The following HERC4 variants were observed in gnomAD, a reference collection of about 807,000 sequenced individuals.
The protein encoded by HERC4 is HECT and RLD domain containing E3 ubiquitin protein ligase 4.
A neutral mutation model predicts 124.3 loss-of-function variants in HERC4; 28 were observed. The observed-to-expected ratio is 0.23, with a 90% CI of 0.17 to 0.31. The LOEUF is 0.31. Ranked by LOEUF, HERC4 falls within the 10% of genes least tolerant of loss-of-function variation. The pLI, the probability that HERC4 is intolerant of heterozygous loss-of-function variation, is 1.00. For missense variants in HERC4, 713 were observed against 1,229.3 expected (o/e 0.58, Z 6.28); for synonymous variants, 407 against 421.5 (o/e 0.97, Z 0.42).
chr10:67,936,364 T>C, intron 21 of HERC4, 129 bp from the exon 22 acceptor site: 1 of 479,196 alleles, frequency 2.1e-6, no homozygotes, highest in East Asian at 3.5e-5. Context: ...TCTGCTACCA[T>C]ATAGCTTATC....
At chr10:68,059,490 A>ATAATATTATATAT (rs2040742012) in intron 3 of HERC4, among the ~76,000 whole-genome samples, 1 of 125,824 alleles carries the variant, frequency 7.9e-6, no homozygotes, top group African/African-American at 3.1e-5. Context: ...ATTATATATT[A>ATAATATTATATAT]TAACATTATA....
At chr10:68,071,805 T>C (rs1383939904) in intron 3 of HERC4, among the ~76,000 whole-genome samples, 1 of 152,056 alleles carries the variant, frequency 6.6e-6, no homozygotes, top group Admixed American at 6.6e-5. Flanking sequence ...CAATAAAAAA[T>C]AAATTACAAA....
chr10:67,973,697 G>A (rs1037620491), intron 15 of HERC4, among the ~76,000 whole-genome samples: 1 of 152,140 alleles, frequency 6.6e-6, no homozygotes, highest in East Asian at 1.9e-4. Context: ...AACGGATATG[G>A]AAAACGAGAA....
At chr10:67,928,241 T>C (rs992054412) in intron 23 of HERC4, among the ~76,000 whole-genome samples, 2 of 151,946 alleles carry the variant, frequency 1.3e-5, no homozygotes, top group African/African-American at 4.8e-5. Context: ...ATCTAAAGGG[T>C]GATGAGAAGC....
intron 7 of HERC4, among the ~76,000 whole-genome samples, chr10:68,031,905 C>A (rs535991595): frequency 2.6e-4 from 40 of 152,190 alleles, no homozygotes; most frequent in Admixed American, 6.5e-4. Context: ...GTGCCTGCCG[C>A]CATGCCCAGC....
At chr10:67,949,156 C>G (rs1024454899) in intron 19 of HERC4, among the ~76,000 whole-genome samples, 4 of 151,754 alleles carry the variant, frequency 2.6e-5, no homozygotes, top group African/African-American at 9.7e-5. Flanking sequence ...TGGTGGCATG[C>G]ACCTGTAGTC....
At chr10:68,042,019 T>C (rs1041241430) in intron 4 of HERC4, among the ~76,000 whole-genome samples, 1 of 151,264 alleles carries the variant, frequency 6.6e-6, no homozygotes, top group African/African-American at 2.4e-5. Context: ...CTGATTACTC[T>C]TTTTTTTTAT....
At chr10:67,951,943 G>A (rs973982240) in intron 19 of HERC4, among the ~76,000 whole-genome samples, 2 of 151,990 alleles carry the variant, frequency 1.3e-5, no homozygotes, top group African/African-American at 4.8e-5. Flanking sequence ...CAACACACTA[G>A]CCTCTCAGTT....
At chr10:68,070,271 T>C (rs2041505262) in intron 3 of HERC4, 2 of 967,278 alleles carry the variant, frequency 2.1e-6, no homozygotes, top group Non-Finnish European at 2.5e-6. Flanking sequence ...TAAATAACTT[T>C]AGTTAAAAAC....
Position 67,990,991 on chromosome 10 carries a change from A to G in HERC4, c.1356T>C (p.Gly452=). 3 of 1,604,598 alleles carry G rather than the reference A, an allele frequency of 1.9e-6. No homozygotes were observed. Among genetic ancestry groups the G allele is most frequent in the Non-Finnish European group, 2.6e-6 (3 of 1,173,156 alleles). The change falls in exon 13 of 25, where the codon GGT becomes GGC. Residue 452 remains glycine (G), a synonymous_variant. Coordinates refer to ENST00000373700, the MANE Select transcript of HERC4 (RefSeq NM_015601.4). ...AVSNDDHYRT[G]TRFSGVDMNA... is the part of the protein sequence containing the mutation. Reference sequence around the variant, plus strand: ...TCATATCAACCCCTGAAAATCTGGTACCTGTTCTATAGTGATCATCATTGC... The same window carrying G: ...TCATATCAACCCCTGAAAATCTGGTGCCTGTTCTATAGTGATCATCATTGC...
chr10:67,932,493 T>C, intron 23 of HERC4, 104 bp downstream of exon 23: 2 of 922,830 alleles, frequency 2.2e-6, no homozygotes, highest in Non-Finnish European at 3.3e-6. Flanking sequence ...TCCTGTAAAA[T>C]GGTAGTAATA....
intron 3 of HERC4, among the ~76,000 whole-genome samples, chr10:68,061,784 A>G (rs909453752): frequency 1.4e-5 from 2 of 147,072 alleles, no homozygotes; most frequent in Non-Finnish European, 3.0e-5. Context: ...GAAAGGCTGA[A>G]GCAGGAGAAT....
At chr10:68,052,360 TAAAG>T (rs1247961705) in intron 3 of HERC4, among the ~76,000 whole-genome samples, 2 of 152,154 alleles carry the variant, frequency 1.3e-5, no homozygotes, top group Admixed American at 1.3e-4. Flanking sequence ...CTTTGCTTCT[TAAAG>T]AAAGACTTTC....
chr10:68,022,215 C>T (rs1161769835), intron 8 of HERC4, among the ~76,000 whole-genome samples: 2 of 152,026 alleles, frequency 1.3e-5, no homozygotes, highest in African/African-American at 2.4e-5. Context: ...AATGTACAGA[C>T]TCGGCCAGGT....
intron 15 of HERC4, among the ~76,000 whole-genome samples, chr10:67,968,666 C>T (rs1243828776): frequency 4.6e-5 from 7 of 151,982 alleles, no homozygotes; most frequent in African/African-American, 1.2e-4. Flanking sequence ...TGAGCCACCG[C>T]GCCTGGCCAG....
chr10:67,960,355 AT>A (rs2034428675), intron 16 of HERC4, among the ~76,000 whole-genome samples: 1 of 152,048 alleles, frequency 6.6e-6, no homozygotes, highest in African/African-American at 2.4e-5. Flanking sequence ...TTGTTCTCAG[AT>A]GGAACTTTCT....
chr10:68,070,065 C>G, intron 3 of HERC4: 1 of 983,918 alleles, frequency 1.0e-6, no homozygotes, highest in Non-Finnish European at 1.2e-6. Flanking sequence ...CAAAACAAAA[C>G]AAAACAAAAA....
chr10:68,064,063 C>A (rs2041171648), intron 3 of HERC4, among the ~76,000 whole-genome samples: 1 of 151,998 alleles, frequency 6.6e-6, no homozygotes, highest in Non-Finnish European at 1.5e-5. Flanking sequence ...GTCAACATGG[C>A]AAAACTCCAC....
At chr10:68,011,632 A>G (rs1330353138) in intron 9 of HERC4, among the ~76,000 whole-genome samples, 1 of 152,196 alleles carries the variant, frequency 6.6e-6, no homozygotes, top group Non-Finnish European at 1.5e-5. Context: ...AGCCCATATT[A>G]ATATATTCAG....
Sources: allele counts gnomAD v4.1 joint callset (sites outside exome capture counted in the v4.1 genomes callset), GRCh38; gene constraint gnomAD v4.1.1; transcripts MANE v1.5; gene names NCBI Gene and HGNC (gene_info 2026-07-23, HGNC 2026-07-21).